LHFPL2: variants seen among roughly 807,000 people sequenced by gnomAD.
LHFPL2 encodes LHFPL tetraspan subfamily member 2 protein.
A neutral mutation model predicts 17.5 loss-of-function variants in LHFPL2; 7 were observed. That is an observed-to-expected ratio of 0.40 (90% CI 0.23 to 0.75). The LOEUF (loss-of-function observed/expected upper bound fraction) is 0.75. LHFPL2 is among the 30% of genes least tolerant of loss of function. LHFPL2 has a pLI of 0.37. For synonymous variants in LHFPL2, 134 were observed against 116.2 expected (o/e 1.15, Z -0.99); for missense variants, 241 against 294.8 (o/e 0.82, Z 1.34).
chr5:78,575,866 G>A (rs1384814330), intron 2 of LHFPL2, among the ~76,000 whole-genome samples: 3 of 152,236 alleles, frequency 2.0e-5, no homozygotes, highest in South Asian at 2.1e-4. Context: ...TAGAGTCGCA[G>A]AGGTCATTTA....
intron 3 of LHFPL2, among the ~76,000 whole-genome samples, chr5:78,519,431 T>C (rs2114978): frequency 0.41 from 62,935 of 151,950 alleles, 13,487 homozygotes; most frequent in African/African-American, 0.51. Flanking sequence ...TGGGGCGGGA[T>C]CTGTCAGGCT....
chr5:78,533,795 TG>T (rs1460812937), intron 3 of LHFPL2, among the ~76,000 whole-genome samples: 1 of 152,218 alleles, frequency 6.6e-6, no homozygotes, highest in Non-Finnish European at 1.5e-5. Context: ...GAACTGAAGC[TG>T]TTTTATTGAA....
chr5:78,636,076 G>T (rs1398053148), intron 1 of LHFPL2, among the ~76,000 whole-genome samples: 9 of 151,982 alleles, frequency 5.9e-5, no homozygotes, highest in Admixed American at 4.6e-4. Context: ...TGCCCTCCCA[G>T]GCATCCTGTG....
chr5:78,529,127 A>C (rs985087858), intron 3 of LHFPL2, among the ~76,000 whole-genome samples: 4 of 151,562 alleles, frequency 2.6e-5, no homozygotes, highest in Non-Finnish European at 2.9e-5. Context: ...AAAAAAAAAG[A>C]AAAATTTAAT....
intron 2 of LHFPL2, among the ~76,000 whole-genome samples, chr5:78,586,864 T>G (rs1743427740): frequency 1.3e-5 from 2 of 152,234 alleles, no homozygotes; most frequent in African/African-American, 4.8e-5. Context: ...CAACAAAAAC[T>G]AGAATATTCT....
intron 2 of LHFPL2, among the ~76,000 whole-genome samples, chr5:78,569,519 C>T (rs1049510482): frequency 1.3e-5 from 2 of 152,168 alleles, no homozygotes; most frequent in African/African-American, 4.8e-5. Context: ...TCTCTGACAA[C>T]AGGTCCAGGA....
At chr5:78,584,995 GTTTTTTT>G (rs1163195083) in intron 2 of LHFPL2, among the ~76,000 whole-genome samples, 2 of 40,528 alleles carry the variant, frequency 4.9e-5, no homozygotes, top group African/African-American at 8.1e-5. Context: ...GGTGCGCTGT[GTTTTTTT>G]TTTTTTTTTT....
At chr5:78,491,307 A>T (rs1754438217) in intron 4 of LHFPL2, 1 of 152,348 alleles carries the variant, frequency 6.6e-6, no homozygotes, top group African/African-American at 2.4e-5. Context: ...CCCTCTCTAT[A>T]GATCTGAATG....
intron 2 of LHFPL2, among the ~76,000 whole-genome samples, chr5:78,581,445 T>C (rs1277218282): frequency 6.6e-6 from 1 of 152,204 alleles, no homozygotes; most frequent in Non-Finnish European, 1.5e-5. Flanking sequence ...AGATAGCTCT[T>C]ATTATTTTGA....
At chr5:78,569,342 G>A (rs1319441633) in intron 2 of LHFPL2, among the ~76,000 whole-genome samples, 1 of 152,098 alleles carries the variant, frequency 6.6e-6, no homozygotes, top group African/African-American at 2.4e-5. Context: ...CTACTTTACT[G>A]TGCTCTACTG....
Position 78,554,788 on chromosome 5 carries a change from G to A in LHFPL2, c.-186+10025C>T, listed in dbSNP as rs546030114. Among the ~76,000 whole-genome samples, 6 of 152,304 alleles carry A rather than the reference G, an allele frequency of 3.9e-5. No individual in the cohort carries two copies. In the East Asian group the frequency reaches 5.8e-4, roughly 15 times the overall value. On this transcript the variant is annotated intron_variant, in intron 3 of 4. Transcript: ENST00000380345. ...GCTGTCTCAGATCTTGGGGAATTGT[G>A]TGTCATATGTGTTCTAAAAACGGAT...
intron 4 of LHFPL2, among the ~76,000 whole-genome samples, chr5:78,498,421 C>CT (rs1754675146): frequency 6.6e-6 from 1 of 152,308 alleles, no homozygotes; most frequent in East Asian, 1.9e-4. Flanking sequence ...CGTTTTTAAT[C>CT]TTTCCCCAAG....
At chr5:78,566,242 T>A (rs758914019) in intron 2 of LHFPL2, among the ~76,000 whole-genome samples, 2 of 152,188 alleles carry the variant, frequency 1.3e-5, no homozygotes, top group African/African-American at 4.8e-5. Flanking sequence ...TCCACACTTA[T>A]ATGCAGGTAA....
intron 3 of LHFPL2, among the ~76,000 whole-genome samples, chr5:78,555,430 G>A (rs1434184430): frequency 6.6e-6 from 1 of 152,222 alleles, no homozygotes; most frequent in Non-Finnish European, 1.5e-5. Flanking sequence ...TGGGAAAACA[G>A]ACATTCACTC....
intron 4 of LHFPL2, among the ~76,000 whole-genome samples, chr5:78,504,480 T>C (rs1264488055): frequency 6.6e-6 from 1 of 152,102 alleles, no homozygotes; most frequent in African/African-American, 2.4e-5. Context: ...AGTCATGGGG[T>C]TGGGCTATGG....
At chr5:78,564,416 T>C (rs1354551017) in intron 3 of LHFPL2, among the ~76,000 whole-genome samples, 1 of 152,138 alleles carries the variant, frequency 6.6e-6, no homozygotes, top group African/African-American at 2.4e-5. Flanking sequence ...GTAATAAAAT[T>C]GGGTATTTTT....
chr5:78,591,996 T>C (rs1440065015), intron 2 of LHFPL2, among the ~76,000 whole-genome samples: 1 of 152,214 alleles, frequency 6.6e-6, no homozygotes, highest in African/African-American at 2.4e-5. Flanking sequence ...GGCTGGGAAG[T>C]GGGCACTATC....
chr5:78,640,736 T>C (rs1328948403), intron 1 of LHFPL2, among the ~76,000 whole-genome samples: 1 of 152,216 alleles, frequency 6.6e-6, no homozygotes. Flanking sequence ...CCAACCCTGT[T>C]AAGCAGGCAA....
At chr5:78,530,247 A>G (rs547340344) in intron 3 of LHFPL2, among the ~76,000 whole-genome samples, 26 of 152,358 alleles carry the variant, frequency 1.7e-4, no homozygotes, top group African/African-American at 6.3e-4. Context: ...AAAAATAATG[A>G]AAAAATTCTA....
Sources: allele counts gnomAD v4.1 joint callset (sites outside exome capture counted in the v4.1 genomes callset), GRCh38; gene constraint gnomAD v4.1.1; transcripts MANE v1.5; gene names NCBI Gene and HGNC (gene_info 2026-07-23, HGNC 2026-07-21).